Variants in IL13RA1 observed in about 807,000 individuals in gnomAD.
IL13RA1 encodes the protein interleukin 13 receptor subunit alpha 1, also known as interleukin-13 receptor subunit alpha-1.
In IL13RA1, 14 loss-of-function variants were observed where a neutral mutation model predicts 33.8. The observed-to-expected ratio is 0.41, with a 90% confidence interval of 0.27 to 0.65. The LOEUF is 0.65. Among genes scored for constraint, IL13RA1 ranks in the 30% least tolerant of loss-of-function variants. The pLI, the probability that IL13RA1 is intolerant of heterozygous loss-of-function variation, is 0.28. For missense variants in IL13RA1, 313 were observed against 327.0 expected, an observed-to-expected ratio of 0.96 and a Z score of 0.33; for synonymous variants, 116 against 115.7, an observed-to-expected ratio of 1.00 and a Z score of -0.02.
At chrX:118,803,854 T>TTTCCTTCCTTCCTTCC in the IL13RA1 span, among the ~76,000 whole-genome samples, 5 of 69,373 alleles carry the variant, frequency 7.2e-5, no homozygotes, top group Admixed American at 1.8e-4. Context: ...TGTTTTCTCT[T>TTTCCTTCCTTCCTTCC]TTCCTTCCTT....
At chrX:118,778,339 A>C (rs951800113) in intron 10 of IL13RA1, among the ~76,000 whole-genome samples, 1 of 111,541 alleles carries the variant, frequency 9.0e-6, no homozygotes, top group Non-Finnish European at 1.9e-5. Context: ...GGTCATCTTC[A>C]CAGACAGTAG....
intron 10 of IL13RA1, among the ~76,000 whole-genome samples, chrX:118,783,730 GT>G (rs1482137852): frequency 1.1e-5 from 1 of 88,982 alleles, no homozygotes; most frequent in African/African-American, 4.1e-5. Flanking sequence ...TAGTTATACA[GT>G]TTTTATTTGT....
chrX:118,750,279 A>G (rs1318213225), intron 4 of IL13RA1, among the ~76,000 whole-genome samples: 3 of 110,428 alleles, frequency 2.7e-5, no homozygotes, highest in Admixed American at 9.8e-5. Flanking sequence ...CTCTCCCCCA[A>G]TCCTCTAACC....
Position 118,766,538 on chromosome X carries a change from G to C in IL13RA1, c.837G>C (p.Glu279Asp). The change falls in exon 7 of 11, where the codon GAG (glutamate) becomes GAC (aspartate). Residue 279 changes from glutamate (E) to aspartate (D), a missense_variant. Glu to Asp is a conservative substitution (Grantham distance 45). Transcript: ENST00000371666. ...TETHNVFYVQ[E>D]AKCENPEFER... The stretch of plus-strand genomic sequence containing the variant: ...TTATTTTTATTTTCAAGGTCCAAGA[G>C]GCTAAATGTGAGAATCCAGAATTTG... The C allele has an allele frequency of 9.7e-7, 1 of 1,025,652 alleles. No individual in the cohort carries two copies. Among genetic ancestry groups the C allele is most frequent in the Non-Finnish European group, 1.4e-6 (1 of 727,063 alleles). The allele number at this position is 1,025,652 out of a possible 1,213,427, so 84.5% of individuals were successfully genotyped here. A position where few individuals can be genotyped will look rare whatever the true frequency, so the allele number is the denominator to read the frequency against.
intron 4 of IL13RA1, among the ~76,000 whole-genome samples, chrX:118,754,712 G>A (rs757568330): frequency 5.5e-5 from 6 of 109,613 alleles, no homozygotes; most frequent in South Asian, 7.8e-4. Flanking sequence ...AGTACACAGC[G>A]CTGGCCTCTT....
rs1409586115 is a variant in IL13RA1 at position 118,766,548 on chromosome X, G to A, written c.847G>A (p.Glu283Lys). 1 of 1,056,273 alleles carries A rather than the reference G, an allele frequency of 9.5e-7. No homozygotes were observed. The highest frequency in any genetic ancestry group is 1.9e-5 in the South Asian group (1 of 52,996). The allele number at this position is 1,056,273 out of a possible 1,213,427, so 87.0% of individuals were successfully genotyped here. Reference protein sequence around the residue: ...NVFYVQEAKCENPEFERNVEN... With the variant: ...NVFYVQEAKCKNPEFERNVEN... ...TTTCAAGGTCCAAGAGGCTAAATGT[G>A]AGAATCCAGAATTTGAGAGAAATGT... The change falls in exon 7 of 11, where the codon GAG becomes AAG. Residue 283 changes from glutamate (E) to lysine (K), a missense_variant. Physicochemically the swap from Glu to Lys is moderately conservative, Grantham distance 56. Transcript: ENST00000371666.
rs138422269 is a variant in IL13RA1 at position 118,741,142 on chromosome X, G to A, written c.214G>A (p.Asp72Asn). 5.2e-6 allele frequency: 6 copies of A among 1,158,947 alleles called. No homozygotes were observed. In the African/African-American group the frequency reaches 5.3e-5, roughly 10 times the overall value. Residue 72 changes from aspartate to asparagine, a missense_variant, in exon 2 of 11, where the codon GAC (aspartate) becomes AAC (asparagine). Asp to Asn is a conservative substitution (Grantham distance 23). Coordinates refer to ENST00000371666, the MANE Select transcript of IL13RA1 (RefSeq NM_001560.3). Reference protein sequence around the residue: ...CSLWYFSHFGDKQDKKIAPET... With the variant: ...CSLWYFSHFGNKQDKKIAPET... ...TCTATGGTATTTTAGTCATTTTGGCGACAAACAAGATAAGGTAAGTTTTCT... is the reference window on the plus strand; with the variant it reads ...TCTATGGTATTTTAGTCATTTTGGCAACAAACAAGATAAGGTAAGTTTTCT...
intron 8 of IL13RA1, among the ~76,000 whole-genome samples, chrX:118,767,716 A>G (rs2017666114): frequency 8.9e-6 from 1 of 111,895 alleles, no homozygotes. Flanking sequence ...GCTCAAGTAC[A>G]GGACTGGAAA....
intron 1 of IL13RA1, among the ~76,000 whole-genome samples, chrX:118,740,704 C>T (rs1347163299): frequency 3.6e-5 from 4 of 111,946 alleles, no homozygotes; most frequent in Admixed American, 9.5e-5. Flanking sequence ...AATCACTTCA[C>T]CCCAGGAGGC....
chrX:118,739,239 T>C (rs910963771), intron 1 of IL13RA1, among the ~76,000 whole-genome samples: 4 of 112,288 alleles, frequency 3.6e-5, no homozygotes, highest in Non-Finnish European at 5.6e-5. Context: ...GGAATGAATG[T>C]TGAGGGTCAA....
At chrX:118,750,487 T>C (rs1488930126) in intron 4 of IL13RA1, among the ~76,000 whole-genome samples, 1 of 111,480 alleles carries the variant, frequency 9.0e-6, no homozygotes, top group Non-Finnish European at 1.9e-5. Flanking sequence ...TTCCATGATA[T>C]GGATGTACCA....
intron 10 of IL13RA1, among the ~76,000 whole-genome samples, chrX:118,776,821 G>C (rs994474228): frequency 1.9e-5 from 2 of 107,594 alleles, no homozygotes; most frequent in African/African-American, 6.8e-5. Context: ...AAAATTAGCC[G>C]GGTGCAGCGG....
At chrX:118,739,896 AACTT>A (rs1264825408) in intron 1 of IL13RA1, among the ~76,000 whole-genome samples, 1 of 112,049 alleles carries the variant, frequency 8.9e-6, no homozygotes, top group African/African-American at 3.2e-5. Context: ...GAGCTTCTTA[AACTT>A]ACTTATAGAA....
chrX:118,751,016 AG>A (rs2147375429), intron 4 of IL13RA1, among the ~76,000 whole-genome samples: 1 of 111,684 alleles, frequency 9.0e-6, no homozygotes, highest in South Asian at 3.8e-4. Flanking sequence ...CGTGTTGGCC[AG>A]GCTGGTCTCG....
At chrX:118,770,882 C>G (rs767738096) in intron 8 of IL13RA1, 4 of 258,479 alleles carry the variant, frequency 1.5e-5, no homozygotes, top group African/African-American at 5.7e-5. Flanking sequence ...TTCCAACGAC[C>G]CTTCCTGCTT....
Position 118,728,784 on chromosome X carries a change from C to T in IL13RA1, c.88+1058C>T, listed in dbSNP as rs192709166. Among the ~76,000 whole-genome samples, 5 of 111,499 alleles carry T rather than the reference C, an allele frequency of 4.5e-5. No homozygotes were observed. In the Admixed American group the frequency reaches 4.7e-4, roughly 11 times the overall value. On this transcript the variant is annotated intron_variant, in intron 1 of 10. Coordinates refer to ENST00000371666, the MANE Select transcript of IL13RA1 (RefSeq NM_001560.3). ...GCTGAGGATGCAGCAGTGAGCAAAA[C>T]AGATGAGGTGCCTGCCCTCAGACAT...
At position 118,749,752 on chromosome X, in the gene IL13RA1, C is replaced by G. The variant is rs775043802; in HGVS notation, c.462C>G (p.Pro154=). ...CSWLPGRNTS[P]DTNYTLYYWH... Reference sequence around the variant, plus strand: ...GGCTCCCTGGAAGGAATACCAGTCCCGACACTAACTATACTCTCTACTATT... The same window carrying G: ...GGCTCCCTGGAAGGAATACCAGTCCGGACACTAACTATACTCTCTACTATT... The change falls in exon 4 of 11, where the codon CCC becomes CCG. Residue 154 remains proline, a synonymous_variant. Coordinates refer to ENST00000371666, the MANE Select transcript of IL13RA1 (RefSeq NM_001560.3). 5.2e-6 allele frequency: 6 copies of G among 1,160,728 alleles called. No individual in the cohort carries two copies. Among genetic ancestry groups the G allele is most frequent in the African/African-American group, 1.8e-5 (1 of 56,011 alleles).
rs139556639 is a variant in IL13RA1 at position 118,733,121 on chromosome X, C to G, written c.88+5395C>G. ...TATTATGAACCTGGGTGTAGAATAT[C>G]TCTTTGAGACCTTGTTTTCACTTCT... On this transcript the variant is annotated intron_variant, in intron 1 of 10. Transcript: ENST00000371666. Among the ~76,000 whole-genome samples, 999 of 112,013 alleles carry G rather than the reference C, an allele frequency of 8.9e-3. 7 individuals are homozygous for G. The highest frequency in any genetic ancestry group is 0.014 in the Middle Eastern group (3 of 216).
At chrX:118,733,140 C>T (rs1208191608) in intron 1 of IL13RA1, among the ~76,000 whole-genome samples, 1 of 111,912 alleles carries the variant, frequency 8.9e-6, no homozygotes, top group Non-Finnish European at 1.9e-5. Flanking sequence ...ACCTTGTTTT[C>T]ACTTCTTTTG....
Sources: allele counts gnomAD v4.1 joint callset (sites outside exome capture counted in the v4.1 genomes callset), GRCh38; gene constraint gnomAD v4.1.1; transcripts MANE v1.5; gene names NCBI Gene and HGNC (gene_info 2026-07-23, HGNC 2026-07-21).